The following SLA2 variants were observed in gnomAD, a reference collection of about 807,000 sequenced individuals.
The protein encoded by SLA2 is src-like-adapter 2.
In SLA2, 22 loss-of-function variants were observed where a neutral mutation model predicts 27.3. The ratio of observed to expected loss-of-function variants is 0.81; its 90% CI spans 0.58 to 1.15. SLA2 has a LOEUF of 1.15. Ranked by LOEUF, SLA2 falls within the 50% of genes most tolerant of loss-of-function variation. SLA2 has a pLI of 0.00. For missense variants in SLA2, 304 were observed against 322.2 expected (o/e 0.94, Z 0.43); for synonymous variants, 131 against 137.8 (o/e 0.95, Z 0.34).
chr20:36,628,743 TG>T (rs564061775), intron 5 of SLA2, among the ~76,000 whole-genome samples: 1 of 151,862 alleles, frequency 6.6e-6, no homozygotes, highest in Non-Finnish European at 1.5e-5. Context: ...TTTTAAGAGA[TG>T]GGGGTCTCCC....
At chr20:36,619,270 AATC>A (rs1209122126) in intron 5 of SLA2, among the ~76,000 whole-genome samples, 4 of 149,718 alleles carry the variant, frequency 2.7e-5, no homozygotes, top group Non-Finnish European at 5.9e-5. Context: ...TCACACCTGT[AATC>A]CTAGCACTTT....
intron 5 of SLA2, among the ~76,000 whole-genome samples, chr20:36,623,193 G>A (rs1260829944): frequency 6.6e-6 from 1 of 150,614 alleles, no homozygotes; most frequent in African/African-American, 2.5e-5. Flanking sequence ...GTTTGAACCA[G>A]GAGGCAGACG....
chr20:36,641,621 C>T (rs1264513298), intron 1 of SLA2, among the ~76,000 whole-genome samples: 2 of 152,090 alleles, frequency 1.3e-5, no homozygotes, highest in African/African-American at 4.8e-5. Context: ...TGGGCCTCTG[C>T]TTGGGTCCCT....
chr20:36,643,386 GCT>G (rs1345297805), intron 1 of SLA2, among the ~76,000 whole-genome samples: 1 of 152,228 alleles, frequency 6.6e-6, no homozygotes, highest in African/African-American at 2.4e-5. Flanking sequence ...TGGAGCTTCT[GCT>G]CTGTGTCAGG....
intron 2 of SLA2, among the ~76,000 whole-genome samples, chr20:36,634,976 C>T (rs1275742930): frequency 1.3e-5 from 2 of 152,092 alleles, no homozygotes; most frequent in South Asian, 2.1e-4. Context: ...TACAGGTGTG[C>T]ACCACTACAC....
chr20:36,612,332 C>T lies in SLA2; in HGVS notation c.*1534G>A, dbSNP rs1024941049. 2.3e-5 allele frequency: 24 copies of T among 1,025,842 alleles called. No individual in the cohort carries two copies. In the African/African-American group the frequency reaches 2.4e-4, roughly 10 times the overall value. The allele number at this position is 1,025,842 out of a possible 1,614,324, so 63.5% of individuals were successfully genotyped here. On this transcript the variant is annotated 3_prime_UTR_variant, in exon 8 of 8. Coordinates refer to ENST00000262866, the MANE Select transcript of SLA2 (RefSeq NM_032214.4). ...AACAGCTATTATTTGCCAAGTGGAGCTGTCATTTAATTTGATGCACCTCTG... is the reference window on the plus strand; with the variant it reads ...AACAGCTATTATTTGCCAAGTGGAGTTGTCATTTAATTTGATGCACCTCTG...
intron 5 of SLA2, among the ~76,000 whole-genome samples, chr20:36,626,958 G>GATAGCCTGGGAAGGCA (rs552078969): frequency 0.02 from 2,974 of 152,252 alleles, 101 homozygotes; most frequent in African/African-American, 0.068. Flanking sequence ...ATGGGAAGGC[G>GATAGCCTGGGAAGGCA]ATAGCCTGGG....
chr20:36,626,389 TAA>T (rs1406502143), intron 5 of SLA2, among the ~76,000 whole-genome samples: 5 of 133,900 alleles, frequency 3.7e-5, no homozygotes, highest in African/African-American at 2.8e-5. Context: ...AGACTCCGTC[TAA>T]AAAAAAAAAA....
chr20:36,630,079 G>A (rs1014738840), intron 5 of SLA2, among the ~76,000 whole-genome samples: 2 of 152,208 alleles, frequency 1.3e-5, no homozygotes, highest in Non-Finnish European at 2.9e-5. Context: ...GCCAGAGAAT[G>A]GGCCAGGGGA....
Position 36,646,132 on chromosome 20 carries a change from C to T in SLA2, c.-339G>A, listed in dbSNP as rs542812989. 6.6e-6 allele frequency: 1 copy of T among 152,410 alleles called. No individual in the cohort carries two copies. Among genetic ancestry groups the T allele is most frequent in the Admixed American group, 6.5e-5 (1 of 15,298 alleles). The allele number at this position is 152,410 out of a possible 1,614,324, so 9.4% of individuals were successfully genotyped here. A position where few individuals can be genotyped will look rare whatever the true frequency, so the allele number is the denominator to read the frequency against. On this transcript the variant is annotated 5_prime_UTR_variant, in exon 1 of 8. Coordinates refer to ENST00000262866, the MANE Select transcript of SLA2 (RefSeq NM_032214.4). ...CACAGCCGAGCCAGGGAGGGAAGGCCCAGGGCCCTTTGAGCTCTGTCACAG... is the reference window on the plus strand; with the variant it reads ...CACAGCCGAGCCAGGGAGGGAAGGCTCAGGGCCCTTTGAGCTCTGTCACAG...
rs1255760239 is a variant in SLA2, at chr20:36,633,644, G to C, written c.192-15C>G. The C allele has an allele frequency of 3.7e-6, 6 of 1,606,646 alleles. No individual in the cohort carries two copies. Among genetic ancestry groups the C allele is most frequent in the Non-Finnish European group, 5.1e-6 (6 of 1,173,620 alleles). On this transcript the variant is annotated splice_polypyrimidine_tract_variant and intron_variant, in intron 3 of 7. Transcript: ENST00000262866. ...AGTCTCCATCCCTGGAGAGAGAAAG[G>C]AGTGGGGGCACCTCTTTCAGATGAG...
At chr20:36,632,441 G>A (rs1440322116) in intron 5 of SLA2, among the ~76,000 whole-genome samples, 154 bp downstream of exon 5, 1 of 152,178 alleles carries the variant, frequency 6.6e-6, no homozygotes, top group African/African-American at 2.4e-5. Context: ...TGGTTCATAT[G>A]GGCAGGACAC....
intron 5 of SLA2, among the ~76,000 whole-genome samples, chr20:36,625,216 A>ATTTTT (rs71186005): frequency 6.8e-4 from 53 of 78,480 alleles, no homozygotes; most frequent in African/African-American, 1.3e-3. Context: ...ACGTACCCTG[A>ATTTTT]TTTTTTTTTT....
At chr20:36,633,077 T>G (rs573493354) in intron 4 of SLA2, among the ~76,000 whole-genome samples, 3 of 152,172 alleles carry the variant, frequency 2.0e-5, no homozygotes, top group Non-Finnish European at 4.4e-5. Context: ...CTCTGTTTTT[T>G]TCTTTTTTTA....
At chr20:36,618,492 T>C (rs1278670815) in intron 5 of SLA2, among the ~76,000 whole-genome samples, 2 of 151,974 alleles carry the variant, frequency 1.3e-5, no homozygotes, top group Non-Finnish European at 2.9e-5. Context: ...CACCTTGGCC[T>C]CTCAAAGTGC....
At chr20:36,629,065 ATTT>A (rs768278326) in intron 5 of SLA2, among the ~76,000 whole-genome samples, 2 of 137,772 alleles carry the variant, frequency 1.5e-5, no homozygotes, top group Non-Finnish European at 1.6e-5. Context: ...AATTATGAGG[ATTT>A]TTTTTTTTTT....
chr20:36,615,118 C>T, intron 6 of SLA2, 107 bp downstream of exon 6: 3 of 1,536,912 alleles, frequency 2.0e-6, no homozygotes, highest in Non-Finnish European at 2.6e-6. Context: ...GGCCGCTCTT[C>T]TGTCTGTCTG....
intron 5 of SLA2, among the ~76,000 whole-genome samples, chr20:36,627,742 T>G (rs1212734019): frequency 6.6e-6 from 1 of 152,188 alleles, no homozygotes; most frequent in East Asian, 1.9e-4. Flanking sequence ...GGGGCCTGAC[T>G]AGAGCCTGGC....
intron 2 of SLA2, among the ~76,000 whole-genome samples, chr20:36,640,192 C>T (rs1322400753): frequency 6.6e-6 from 1 of 152,030 alleles, no homozygotes; most frequent in Non-Finnish European, 1.5e-5. Flanking sequence ...CCTGTAGTCC[C>T]AACTACTCGG....
Sources: gnomAD v4.1 joint callset for allele counts (sites outside exome capture counted in the v4.1 genomes callset) on GRCh38, gnomAD v4.1.1 for gene constraint, MANE v1.5 for transcripts, NCBI Gene and HGNC (gene_info 2026-07-23, HGNC 2026-07-21) for gene names.